Variants in KCTD3 observed in about 807,000 individuals in gnomAD.
KCTD3 encodes the protein BTB/POZ domain-containing protein KCTD3.
KCTD3 carries 41 observed loss-of-function variants against 85.8 expected under a neutral mutation model. The observed-to-expected ratio is 0.48, with a 90% confidence interval of 0.37 to 0.62. The LOEUF (loss-of-function observed/expected upper bound fraction) is 0.62. Among genes scored for constraint, KCTD3 ranks in the 20% least tolerant of loss-of-function variants. KCTD3 has a pLI of 0.00. For missense variants in KCTD3, 724 were observed against 989.9 expected, an observed-to-expected ratio of 0.73 and a Z score of 3.60; for synonymous variants, 338 against 345.4, an observed-to-expected ratio of 0.98 and a Z score of 0.24.
intron 1 of KCTD3, among the ~76,000 whole-genome samples, chr1:215,570,326 G>A (rs1174032202): frequency 1.3e-5 from 2 of 152,092 alleles, no homozygotes; most frequent in Non-Finnish European, 2.9e-5. Context: ...TACTTTGTGG[G>A]TGATTCAGAA....
intron 8 of KCTD3, among the ~76,000 whole-genome samples, chr1:215,583,240 T>G (rs1393297500): frequency 6.6e-6 from 1 of 152,182 alleles, no homozygotes; most frequent in Non-Finnish European, 1.5e-5. Context: ...TATTTCTTGA[T>G]TATATACTAA....
chr1:215,586,813 G>A, intron 9 of KCTD3, 128 bp downstream of exon 9: 2 of 688,322 alleles, frequency 2.9e-6, no homozygotes, highest in East Asian at 2.7e-5. Flanking sequence ...AGTATTTAAT[G>A]TGGGAGGAAT....
chr1:215,604,363 A>T, intron 13 of KCTD3, 61 bp downstream of exon 13: 1 of 1,332,106 alleles, frequency 7.5e-7, no homozygotes, highest in Non-Finnish European at 1.1e-6. Flanking sequence ...TCATTAAAAG[A>T]ATGAAAACGC....
intron 9 of KCTD3, among the ~76,000 whole-genome samples, chr1:215,589,372 C>CT (rs1660133137): frequency 1.3e-5 from 2 of 152,134 alleles, no homozygotes; most frequent in Non-Finnish European, 2.9e-5. Context: ...AATTCCTAAG[C>CT]TTTAGTGATC....
intron 10 of KCTD3, among the ~76,000 whole-genome samples, chr1:215,599,274 G>C (rs186150855): frequency 5.3e-5 from 8 of 152,294 alleles, no homozygotes; most frequent in African/African-American, 1.9e-4. Flanking sequence ...GAAATGGAAT[G>C]CATTAAGCAG....
intron 15 of KCTD3, chr1:215,618,643 A>G (rs1256056728): frequency 5.7e-6 from 2 of 348,412 alleles, no homozygotes; most frequent in East Asian, 9.7e-5. Context: ...AAAAGTCATA[A>G]AAATCTTTTT....
chr1:215,614,353 T>C (rs1655352723), intron 15 of KCTD3, among the ~76,000 whole-genome samples: 1 of 152,202 alleles, frequency 6.6e-6, no homozygotes, highest in Admixed American at 6.5e-5. Flanking sequence ...TTTCTAATTC[T>C]GTGAAAAATG....
At chr1:215,616,738 C>T (rs1347058610) in intron 15 of KCTD3, among the ~76,000 whole-genome samples, 1 of 152,162 alleles carries the variant, frequency 6.6e-6, no homozygotes, top group Non-Finnish European at 1.5e-5. Flanking sequence ...CCAGCCTGGG[C>T]AACAAGAGCA....
chr1:215,579,941 G>A lies in KCTD3; in HGVS notation c.568G>A (p.Val190Ile). 1.2e-6 allele frequency: 2 copies of A among 1,613,654 alleles called. No homozygotes were observed. The highest frequency in any genetic ancestry group is 1.7e-6 in the Non-Finnish European group (2 of 1,179,526). Residue 190 changes from valine (V) to isoleucine (I), a missense_variant, in exon 8 of 18, where the codon GTA (valine) becomes ATA (isoleucine). Coordinates refer to ENST00000259154, the MANE Select transcript of KCTD3 (RefSeq NM_016121.5). ...TGTGGATCCACGAAAGGTGCTAATAGTAGCTGGCCATCACAACTGGATTGT... is the reference window on the plus strand; with the variant it reads ...TGTGGATCCACGAAAGGTGCTAATAATAGCTGGCCATCACAACTGGATTGT... ...FPVDPRKVLI[V>I]AGHHNWIVAA...
chr1:215,612,333 C>T (rs968063509), intron 15 of KCTD3, among the ~76,000 whole-genome samples: 2 of 152,100 alleles, frequency 1.3e-5, no homozygotes, highest in Admixed American at 6.6e-5. Context: ...TCAGTATCCC[C>T]TTTTAAAATA....
Position 215,603,337 on chromosome 1 carries a change from A to G in KCTD3, c.1139-795A>G, listed in dbSNP as rs539731896. Among the ~76,000 whole-genome samples the G allele has an allele frequency of 5.3e-4, 80 of 152,266 alleles. 3 individuals are homozygous for G. The South Asian group carries it at 0.017, about 32-fold the overall frequency. On this transcript the variant is annotated intron_variant, in intron 12 of 17. Transcript: ENST00000259154. ...TCAAGTATTTTCAGATGAATCAGTT[A>G]GTAAAACTAGAACAGCCAGTAAAGC...
At chr1:215,588,723 G>A (rs1170127424) in intron 9 of KCTD3, among the ~76,000 whole-genome samples, 1 of 152,052 alleles carries the variant, frequency 6.6e-6, no homozygotes, top group African/African-American at 2.4e-5. Flanking sequence ...ATACCAGATG[G>A]GTACAAGTAA....
At chr1:215,579,572 C>G (rs1659725412) in intron 7 of KCTD3, among the ~76,000 whole-genome samples, 1 of 151,394 alleles carries the variant, frequency 6.6e-6, no homozygotes, top group Non-Finnish European at 1.5e-5. Context: ...CATCTTGGCT[C>G]ACTGCAAGCT....
intron 12 of KCTD3, among the ~76,000 whole-genome samples, chr1:215,602,609 T>A (rs966703300): frequency 2.0e-5 from 3 of 152,184 alleles, no homozygotes; most frequent in African/African-American, 7.2e-5. Context: ...CTTGGGAATT[T>A]AAAAATTTAA....
At position 215,567,435 on chromosome 1, in the gene KCTD3, CGGCCTGGA is replaced by C. The variant is rs1259012694; in HGVS notation, c.-246_-239del. On this transcript the variant is annotated 5_prime_UTR_variant, in exon 1 of 18. Coordinates refer to ENST00000259154, the MANE Select transcript of KCTD3 (RefSeq NM_016121.5). ...CGGAGAAGAGGCCCGGGCGGCCCGG[CGGCCTGGA>C]GGCCGCGAAAGGTGGAGGCCGGGCC... The C allele has an allele frequency of 4.3e-6, 1 of 233,206 alleles. No individual in the cohort carries two copies. Among genetic ancestry groups the C allele is most frequent in the Non-Finnish European group, 8.1e-6 (1 of 122,750 alleles). The allele number at this position is 233,206 out of a possible 1,614,324, so 14.4% of individuals were successfully genotyped here. A position where few individuals can be genotyped will look rare whatever the true frequency, so the allele number is the denominator to read the frequency against.
rs1313238883 is a variant in KCTD3 at position 215,621,255 on chromosome 1, T to G, written c.*637T>G. On this transcript the variant is annotated 3_prime_UTR_variant, in exon 18 of 18. Coordinates refer to ENST00000259154, the MANE Select transcript of KCTD3 (RefSeq NM_016121.5). ...GGAGATCTTAAATCTTAGCAAGCAT[T>G]AGCAATATTAAATGCCAAAATTCCA... 1 of 152,510 alleles carries G rather than the reference T, an allele frequency of 6.6e-6. No individual in the cohort carries two copies. Among genetic ancestry groups the G allele is most frequent in the Admixed American group, 6.6e-5 (1 of 15,256 alleles). 9.4% of individuals were successfully genotyped at this position (152,510 alleles called of 1,614,324 possible).
At chr1:215,567,988 C>G (rs1398730894) in intron 1 of KCTD3, among the ~76,000 whole-genome samples, 1 of 152,178 alleles carries the variant, frequency 6.6e-6, no homozygotes, top group Non-Finnish European at 1.5e-5. Flanking sequence ...TTGGAATTAC[C>G]GAGGACCAGG....
At chr1:215,608,548 C>T (rs1655117213) in intron 14 of KCTD3, among the ~76,000 whole-genome samples, 1 of 151,876 alleles carries the variant, frequency 6.6e-6, no homozygotes, top group Admixed American at 6.6e-5. Flanking sequence ...AAACGTTGGT[C>T]CCTATAAATG....
Position 215,567,691 on chromosome 1 carries a change from G to A in KCTD3, c.6G>A (p.Ala2=). The A allele has an allele frequency of 8.1e-7, 1 of 1,240,068 alleles. No individual in the cohort carries two copies. The highest frequency in any genetic ancestry group is 1.0e-6 in the Non-Finnish European group (1 of 987,720). The allele number at this position is 1,240,068 out of a possible 1,614,324, so 76.8% of individuals were successfully genotyped here. A position where few individuals can be genotyped will look rare whatever the true frequency, so the allele number is the denominator to read the frequency against. Residue 2 remains alanine, a synonymous_variant, in exon 1 of 18, where the codon GCG becomes GCA. Coordinates refer to ENST00000259154, the MANE Select transcript of KCTD3 (RefSeq NM_016121.5). The part of the protein sequence containing the change: M[A]GGHCGSFPAA... ...CGCGTCCGGAGCCGCCGGAGATGGC[G>A]GGAGGGCACTGCGGCAGCTTCCCCG...
Sources: allele counts gnomAD v4.1 joint callset (sites outside exome capture counted in the v4.1 genomes callset), GRCh38; gene constraint gnomAD v4.1.1; transcripts MANE v1.5; gene names NCBI Gene and HGNC (gene_info 2026-07-23, HGNC 2026-07-21).